CAMTA1: variants seen among roughly 807,000 people sequenced by gnomAD.
CAMTA1 encodes calmodulin-binding transcription activator 1.
CAMTA1 carries 27 observed loss-of-function variants against 170.9 expected under a neutral mutation model. The observed-to-expected ratio is 0.16, with a 90% CI of 0.12 to 0.22. The LOEUF is 0.22. Ranked by LOEUF, CAMTA1 falls within the 10% of genes least tolerant of loss-of-function variation. The pLI, the probability that CAMTA1 is intolerant of heterozygous loss-of-function variation, is 1.00. For missense variants in CAMTA1, 1,619 were observed against 2,217.2 expected (o/e 0.73, Z 5.42); for synonymous variants, 833 against 891.5 (o/e 0.93, Z 1.17).
chr1:7,051,773 C>G (rs550804959), intron 3 of CAMTA1, among the ~76,000 whole-genome samples: 4 of 149,594 alleles, frequency 2.7e-5, no homozygotes, highest in African/African-American at 4.9e-5. Flanking sequence ...TGTATTCATT[C>G]GAATAGGTGG....
chr1:7,102,023 A>C (rs1642785174), intron 4 of CAMTA1, among the ~76,000 whole-genome samples: 2 of 148,812 alleles, frequency 1.3e-5, no homozygotes, highest in South Asian at 4.4e-4. Context: ...ATAAATACAC[A>C]ACACACACAC....
At position 7,635,931 on chromosome 1, in the gene CAMTA1, C is replaced by T. The variant is rs1484560644; in HGVS notation, c.511-4469C>T. ...CCAAAATACCTCCATCAGCCCATGTCTGAAAACCAGCCCCACGCCAGGAAA... is the reference window on the plus strand; with the variant it reads ...CCAAAATACCTCCATCAGCCCATGTTTGAAAACCAGCCCCACGCCAGGAAA... On this transcript the variant is annotated intron_variant, in intron 6 of 22. Coordinates refer to ENST00000303635, the MANE Select transcript of CAMTA1 (RefSeq NM_015215.4). The surrounding 1 kb of genome is among the most constrained non-coding windows in gnomAD (Gnocchi z 4.4). 6.6e-6 allele frequency among the ~76,000 whole-genome samples: 1 copy of T among 152,218 alleles called. No individual in the cohort carries two copies. The highest frequency in any genetic ancestry group is 2.4e-5 in the African/African-American group (1 of 41,448).
chr1:7,355,203 C>T (rs1362935080), intron 5 of CAMTA1, among the ~76,000 whole-genome samples: 2 of 63,954 alleles, frequency 3.1e-5, no homozygotes, highest in African/African-American at 1.3e-4. Flanking sequence ...AAAACTCCGT[C>T]TCAAAAAAAA....
At chr1:7,094,065 G>A (rs1641786682) in intron 4 of CAMTA1, among the ~76,000 whole-genome samples, 1 of 152,186 alleles carries the variant, frequency 6.6e-6, no homozygotes, top group African/African-American at 2.4e-5. Context: ...ACAGGCGTCT[G>A]CCAGGATTTC....
intron 3 of CAMTA1, among the ~76,000 whole-genome samples, chr1:7,006,539 C>T (rs921641129): frequency 6.6e-6 from 1 of 152,100 alleles, no homozygotes; most frequent in Non-Finnish European, 1.5e-5. Context: ...TGTTAATTAT[C>T]AGGAAAATGA....
chr1:7,654,040 A>G (rs1049189875), intron 7 of CAMTA1, among the ~76,000 whole-genome samples: 1 of 152,100 alleles, frequency 6.6e-6, no homozygotes, highest in African/African-American at 2.4e-5. Flanking sequence ...AATGAGCCAG[A>G]GGCGGGGGCT....
chr1:7,189,580 T>C (rs1654122393), intron 4 of CAMTA1, among the ~76,000 whole-genome samples: 2 of 152,174 alleles, frequency 1.3e-5, no homozygotes, highest in African/African-American at 4.8e-5. Flanking sequence ...AACCACACTG[T>C]GATACCACTT....
At chr1:7,084,511 C>T (rs967138372) in intron 3 of CAMTA1, among the ~76,000 whole-genome samples, 1 of 152,184 alleles carries the variant, frequency 6.6e-6, no homozygotes, top group Admixed American at 6.5e-5. Context: ...CTGAGAATTG[C>T]GTAGCCCTCC....
chr1:7,282,017 G>A, intron 5 of CAMTA1, among the ~76,000 whole-genome samples: 1 of 152,280 alleles, frequency 6.6e-6, no homozygotes, highest in Admixed American at 6.5e-5. Flanking sequence ...CCCAAGGAGA[G>A]TCAAAGAGCA....
At chr1:7,292,283 G>A (rs544160531) in intron 5 of CAMTA1, among the ~76,000 whole-genome samples, 74 of 152,082 alleles carry the variant, frequency 4.9e-4, no homozygotes, top group African/African-American at 1.6e-3. Context: ...CTACTCTTAC[G>A]TCCTGGCAGT....
intron 5 of CAMTA1, among the ~76,000 whole-genome samples, chr1:7,274,364 G>A (rs1670275342): frequency 6.6e-6 from 1 of 152,168 alleles, no homozygotes; most frequent in Non-Finnish European, 1.5e-5. Flanking sequence ...AAGATAAAGA[G>A]AGATATTTTA....
intron 4 of CAMTA1, among the ~76,000 whole-genome samples, chr1:7,206,707 C>T (rs1298038696): frequency 2.0e-5 from 3 of 152,170 alleles, no homozygotes; most frequent in African/African-American, 7.2e-5. Flanking sequence ...TTTCCAAAGG[C>T]GTTAATTCTG....
At chr1:7,038,468 A>G (rs887178499) in intron 3 of CAMTA1, among the ~76,000 whole-genome samples, 1 of 152,242 alleles carries the variant, frequency 6.6e-6, no homozygotes, top group Admixed American at 6.5e-5. Context: ...CAAAAATATA[A>G]CAAAATTGAA....
chr1:7,752,399 GT>G, intron 20 of CAMTA1, 59 bp from the exon 21 acceptor site: 1 of 1,462,872 alleles, frequency 6.8e-7, no homozygotes, highest in East Asian at 2.3e-5. Flanking sequence ...CTGCTGACCA[GT>G]TTTCCATATT....
At chr1:7,564,869 A>G (rs933137096) in intron 6 of CAMTA1, among the ~76,000 whole-genome samples, 10 of 151,992 alleles carry the variant, frequency 6.6e-5, no homozygotes, top group African/African-American at 1.7e-4. Flanking sequence ...ACAAAGAGAC[A>G]ATGAACAAAA....
At chr1:6,871,145 C>G (rs184380427) in intron 3 of CAMTA1, among the ~76,000 whole-genome samples, 1 of 152,268 alleles carries the variant, frequency 6.6e-6, no homozygotes, top group African/African-American at 2.4e-5. Flanking sequence ...AGATATTCCT[C>G]GTGTCAAGCC....
intron 6 of CAMTA1, among the ~76,000 whole-genome samples, chr1:7,599,371 C>T (rs1205135817): frequency 2.6e-5 from 4 of 152,086 alleles, no homozygotes; most frequent in Admixed American, 2.0e-4. Flanking sequence ...AGTCAGGTAG[C>T]GTGATGCCTC....
chr1:6,866,102 G>GT (rs1482108379), intron 3 of CAMTA1, among the ~76,000 whole-genome samples: 1 of 152,128 alleles, frequency 6.6e-6, no homozygotes, highest in Non-Finnish European at 1.5e-5. Flanking sequence ...TATATGTTGG[G>GT]ACTGGAGGAT....
chr1:7,712,851 A>G (rs200004842), intron 11 of CAMTA1, among the ~76,000 whole-genome samples: 2 of 512 alleles, frequency 3.9e-3, no homozygotes, highest in Non-Finnish European at 0.034. Flanking sequence ...GCACGTCTTA[A>G]CATGGCAGCA....
Sources: gnomAD v4.1 joint callset for allele counts (sites outside exome capture counted in the v4.1 genomes callset) on GRCh38, gnomAD v4.1.1 for gene constraint, Gnocchi (gnomAD v3.1) non-coding constraint, MANE v1.5 for transcripts, NCBI Gene and HGNC (gene_info 2026-07-23, HGNC 2026-07-21) for gene names.